Variants in CDH22 observed in about 807,000 individuals in gnomAD.
CDH22 encodes cadherin-22.
A neutral mutation model predicts 58.4 loss-of-function variants in CDH22; 30 were observed. That is an observed-to-expected ratio of 0.51 (90% CI 0.38 to 0.70). The LOEUF is 0.70. Ranked by LOEUF, CDH22 falls within the 30% of genes least tolerant of loss-of-function variation. The pLI is 0.00. For missense variants in CDH22, 1,014 were observed against 1,233.9 expected, an observed-to-expected ratio of 0.82 and a Z score of 2.67; for synonymous variants, 513 against 558.2, an observed-to-expected ratio of 0.92 and a Z score of 1.14.
chr20:46,266,999 G>A (rs2086464062), intron 1 of CDH22, among the ~76,000 whole-genome samples: 1 of 151,846 alleles, frequency 6.6e-6, no homozygotes, highest in African/African-American at 2.4e-5. Context: ...AAAAAGAAGA[G>A]GCTGTACTTT....
In CDH22 at chr20:46,209,403, G is replaced by A. The variant is rs570983971; in HGVS notation, c.1286+904C>T. ...AGGTGTGGTCTGAGAGGTTCAGGGAGGCCAGAGCTGTCATTGTAAGGGCTT... is the reference window on the plus strand; with the variant it reads ...AGGTGTGGTCTGAGAGGTTCAGGGAAGCCAGAGCTGTCATTGTAAGGGCTT... On this transcript the variant is annotated intron_variant, in intron 7 of 11. Coordinates refer to ENST00000537909, the MANE Select transcript of CDH22 (RefSeq NM_021248.3). 1.2e-4 allele frequency among the ~76,000 whole-genome samples: 19 copies of A among 152,276 alleles called. No homozygotes were observed. In the South Asian group the frequency reaches 2.7e-3, roughly 22 times the overall value.
At chr20:46,294,472 A>T (rs1385018787) in intron 1 of CDH22, among the ~76,000 whole-genome samples, 3 of 152,212 alleles carry the variant, frequency 2.0e-5, no homozygotes, top group African/African-American at 4.8e-5. Context: ...AAAGAGGAAG[A>T]TCTGTCCTAG....
At chr20:46,278,432 C>T (rs1243933199) in intron 1 of CDH22, among the ~76,000 whole-genome samples, 2 of 152,210 alleles carry the variant, frequency 1.3e-5, no homozygotes, top group African/African-American at 4.8e-5. Flanking sequence ...ATGCCCCTTC[C>T]AGTCCTGCCT....
intron 7 of CDH22, among the ~76,000 whole-genome samples, chr20:46,200,500 T>G (rs1239179831): frequency 6.6e-6 from 1 of 150,862 alleles, no homozygotes; most frequent in Non-Finnish European, 1.5e-5. Context: ...CACACTGGTC[T>G]CGAACTACTG....
intron 1 of CDH22, among the ~76,000 whole-genome samples, chr20:46,269,445 G>T (rs1307473504): frequency 6.6e-6 from 1 of 152,198 alleles, no homozygotes; most frequent in Non-Finnish European, 1.5e-5. Context: ...TTTGTCAAGT[G>T]CTTGATAACC....
chr20:46,239,029 C>T (rs145937699), intron 3 of CDH22, among the ~76,000 whole-genome samples: 2,024 of 152,318 alleles, frequency 0.013, 25 homozygotes, highest in Admixed American at 0.02. Context: ...CCATTCCCTC[C>T]GCCTGGAATG....
intron 1 of CDH22, among the ~76,000 whole-genome samples, chr20:46,263,020 C>T (rs1403130505): frequency 2.6e-5 from 4 of 152,216 alleles, no homozygotes; most frequent in Non-Finnish European, 4.4e-5. Context: ...CTCCCCTGAC[C>T]CTGGAGAGCT....
In CDH22 at chr20:46,186,907, T is replaced by G; in HGVS notation, c.1464A>C (p.Arg488=). The change falls in exon 9 of 12, where the codon CGA becomes CGC. Residue 488 remains arginine (R), a synonymous_variant. Transcript: ENST00000537909. ...GGGGATTGTCGTTCACATCCAGGAT[T>G]CGGATCCTTAGGGATGCCCGGGATA... is the stretch of plus-strand genomic sequence containing the variant. ...AQLSRASLRI[R]ILDVNDNPPE... The G allele has an allele frequency of 6.2e-7, 1 of 1,611,422 alleles. No homozygotes were observed. Among genetic ancestry groups the G allele is most frequent in the South Asian group, 1.1e-5 (1 of 90,546 alleles).
chr20:46,246,948 G>C (rs1379169519), intron 2 of CDH22, among the ~76,000 whole-genome samples: 1 of 146,902 alleles, frequency 6.8e-6, no homozygotes, highest in Admixed American at 7.1e-5. Context: ...ACAAGCACTC[G>C]TACATACGAG....
intron 1 of CDH22, among the ~76,000 whole-genome samples, chr20:46,286,918 T>C (rs2086579328): frequency 6.6e-6 from 1 of 152,216 alleles, no homozygotes. Context: ...TCCAGCCTCC[T>C]TTCTTGCATT....
chr20:46,251,408 C>T lies in CDH22; in HGVS notation c.-114G>A. On this transcript the variant is annotated 5_prime_UTR_variant, in exon 2 of 12. Transcript: ENST00000537909. This position sits in a 1 kb window ranked among gnomAD's most constrained non-coding sequence, Gnocchi z 6.7. ...TCACATGGTGGCCTCAGCGCGGCCG[C>T]CGGGATGTCGCCCCCGACGGGGCAC... is the stretch of plus-strand genomic sequence containing the variant. 6.5e-6 allele frequency: 8 copies of T among 1,227,202 alleles called. No individual in the cohort carries two copies. The highest frequency in any genetic ancestry group is 7.3e-6 in the Non-Finnish European group (7 of 956,632). The allele number at this position is 1,227,202 out of a possible 1,614,324, so 76.0% of individuals were successfully genotyped here.
intron 1 of CDH22, among the ~76,000 whole-genome samples, chr20:46,263,742 A>T (rs748069452): frequency 1.1e-4 from 16 of 152,264 alleles, no homozygotes; most frequent in East Asian, 1.9e-4. Flanking sequence ...GGGAGAAGCT[A>T]GGGAAACAGC....
intron 1 of CDH22, among the ~76,000 whole-genome samples, chr20:46,255,397 G>A (rs1312744779): frequency 1.3e-5 from 2 of 152,194 alleles, no homozygotes; most frequent in African/African-American, 4.8e-5. Flanking sequence ...CCTCAAACGT[G>A]GGACTTGGAC....
At chr20:46,180,040 C>T (rs1001312146) in intron 10 of CDH22, among the ~76,000 whole-genome samples, 1 of 151,666 alleles carries the variant, frequency 6.6e-6, no homozygotes, top group Non-Finnish European at 1.5e-5. Context: ...TATGGCTCCC[C>T]GCTCCCTGCT....
intron 1 of CDH22, among the ~76,000 whole-genome samples, chr20:46,301,330 G>A (rs112859506): frequency 0.012 from 1,807 of 152,056 alleles, 36 homozygotes; most frequent in African/African-American, 0.041. Context: ...CTTGGAGGTA[G>A]GTTTTGTTAC....
At chr20:46,283,673 T>G (rs987576788) in intron 1 of CDH22, among the ~76,000 whole-genome samples, 1 of 151,850 alleles carries the variant, frequency 6.6e-6, no homozygotes, top group Non-Finnish European at 1.5e-5. Flanking sequence ...TCCCCAGGTA[T>G]CCACCCACCC....
chr20:46,271,730 T>C (rs959348858), intron 1 of CDH22, among the ~76,000 whole-genome samples: 4 of 152,234 alleles, frequency 2.6e-5, no homozygotes, highest in Non-Finnish European at 5.9e-5. Context: ...ACTACCTCTC[T>C]AATAATGCCT....
intron 1 of CDH22, among the ~76,000 whole-genome samples, chr20:46,307,259 G>C (rs1011802467): frequency 4.6e-5 from 7 of 152,200 alleles, no homozygotes; most frequent in Non-Finnish European, 4.4e-5. Flanking sequence ...GGGAGACCTC[G>C]GGGGATCCTG....
Position 46,210,674 on chromosome 20 carries a change from G to C in CDH22, c.1033-114C>G. 9.7e-7 allele frequency: 1 copy of C among 1,025,958 alleles called. No individual in the cohort carries two copies. The highest frequency in any genetic ancestry group is 1.3e-6 in the Non-Finnish European group (1 of 753,908). 63.6% of individuals were successfully genotyped at this position (1,025,958 alleles called of 1,614,324 possible). On this transcript the variant is annotated intron_variant, in intron 6 of 11. Transcript: ENST00000537909. This position sits in a 1 kb window ranked among gnomAD's most constrained non-coding sequence, Gnocchi z 4.5. ...CCCAAGGTCACACGTTGTCTCAGCAGGGGCGGCAGGGATGTTTGGGCTGCA... is the reference window on the plus strand; with the variant it reads ...CCCAAGGTCACACGTTGTCTCAGCACGGGCGGCAGGGATGTTTGGGCTGCA...
Sources: allele counts gnomAD v4.1 joint callset (sites outside exome capture counted in the v4.1 genomes callset), GRCh38; gene constraint gnomAD v4.1.1; non-coding constraint Gnocchi (gnomAD v3.1); transcripts MANE v1.5; gene names NCBI Gene and HGNC (gene_info 2026-07-23, HGNC 2026-07-21).